Variants in GALNT2 observed in about 807,000 individuals in gnomAD.
GALNT2 encodes UDP-GalNAc:polypeptide N-acetylgalactosaminyltransferase 2.
A neutral mutation model predicts 81.4 loss-of-function variants in GALNT2; 31 were observed. The ratio of observed to expected loss-of-function variants is 0.38; its 90% CI spans 0.29 to 0.51. The LOEUF is 0.51. Among genes scored for constraint, GALNT2 ranks in the 20% least tolerant of loss-of-function variants. The pLI, the probability that GALNT2 is intolerant of heterozygous loss-of-function variation, is 0.87. For missense variants in GALNT2, 629 were observed against 765.7 expected (o/e 0.82, Z 2.11); for synonymous variants, 303 against 287.4 (o/e 1.05, Z -0.55).
chr1:230,098,673 A>T (rs11804361), intron 1 of GALNT2, among the ~76,000 whole-genome samples: 4 of 152,138 alleles, frequency 2.6e-5, no homozygotes, highest in Admixed American at 6.5e-5. Context: ...AATTGAAGTA[A>T]GATAACATCA....
rs1665743431 is a variant in GALNT2, at chr1:230,257,305, C to G, written c.1136+1961C>G. ...CAATGGTACGAGTGCCCCCTCCACT[C>G]TTGGAGCCAGAAGCAAGGGTCCTGT... On this transcript the variant is annotated intron_variant, in intron 11 of 15. Transcript: ENST00000366672. This position sits in a 1 kb window ranked among gnomAD's most constrained non-coding sequence, Gnocchi z 4.6. Among the ~76,000 whole-genome samples, 2 of 152,230 alleles carry G rather than the reference C, an allele frequency of 1.3e-5. No homozygotes were observed. Among genetic ancestry groups the G allele is most frequent in the Non-Finnish European group, 2.9e-5 (2 of 68,042 alleles).
intron 1 of GALNT2, among the ~76,000 whole-genome samples, chr1:230,126,628 A>G (rs1158518646): frequency 6.6e-6 from 1 of 152,166 alleles, no homozygotes; most frequent in Non-Finnish European, 1.5e-5. Flanking sequence ...TCACTCACGT[A>G]CCTCAGTCTC....
intron 2 of GALNT2, among the ~76,000 whole-genome samples, chr1:230,187,397 C>T (rs1663369272): frequency 6.6e-6 from 1 of 152,246 alleles, no homozygotes; most frequent in African/African-American, 2.4e-5. Context: ...CTCTCAGCCC[C>T]TCATGGGAGG....
chr1:230,184,530 T>G (rs1663261486), intron 2 of GALNT2, among the ~76,000 whole-genome samples: 1 of 151,260 alleles, frequency 6.6e-6, no homozygotes, highest in Admixed American at 6.6e-5. Context: ...AGGTGGTCAT[T>G]TTTTTTTTCT....
At chr1:230,110,136 G>A (rs1434486373) in intron 1 of GALNT2, among the ~76,000 whole-genome samples, 2 of 152,206 alleles carry the variant, frequency 1.3e-5, no homozygotes, top group Non-Finnish European at 2.9e-5. Context: ...TGGGGTGAAA[G>A]TGTCCTTCCT....
intron 1 of GALNT2, among the ~76,000 whole-genome samples, chr1:230,089,358 G>A (rs1041329699): frequency 6.6e-6 from 1 of 151,418 alleles, no homozygotes; most frequent in Non-Finnish European, 1.5e-5. Flanking sequence ...ATGGGGTTTC[G>A]CCATGTTGGC....
intron 1 of GALNT2, among the ~76,000 whole-genome samples, chr1:230,105,170 TAGAG>T (rs1049007314): frequency 3.2e-4 from 48 of 152,300 alleles, no homozygotes; most frequent in African/African-American, 1.1e-3. Context: ...CAGGATGTGT[TAGAG>T]AGGTGCTCAG....
intron 1 of GALNT2, among the ~76,000 whole-genome samples, chr1:230,100,624 C>T (rs1051885264): frequency 5.3e-5 from 8 of 152,170 alleles, no homozygotes; most frequent in Admixed American, 2.0e-4. Context: ...CAGCACCCGG[C>T]GTTTTTATTC....
Position 230,195,105 on chromosome 1 carries a change from A to G in GALNT2, c.221-8032A>G, listed in dbSNP as rs74974713. On this transcript the variant is annotated intron_variant, in intron 2 of 15. Coordinates refer to ENST00000366672, the MANE Select transcript of GALNT2 (RefSeq NM_004481.5). ...GTGGAGAGAGACAGGACTCATTTTAAACGGCTTTCAGTGAATGTGTCTCCA... is the reference window on the plus strand; with the variant it reads ...GTGGAGAGAGACAGGACTCATTTTAGACGGCTTTCAGTGAATGTGTCTCCA... Among the ~76,000 whole-genome samples the G allele has an allele frequency of 5.6e-3, 849 of 152,344 alleles. 7 individuals carry two copies. Among genetic ancestry groups the G allele is most frequent in the African/African-American group, 0.02 (811 of 41,580 alleles).
At chr1:230,071,077 C>T (rs1263797561) in intron 1 of GALNT2, among the ~76,000 whole-genome samples, 1 of 152,134 alleles carries the variant, frequency 6.6e-6, no homozygotes, top group Non-Finnish European at 1.5e-5. Context: ...TGAATAACTG[C>T]TATCTCTAAA....
rs535624102 is a variant in GALNT2 at position 230,279,516 on chromosome 1, T to G, written c.*58T>G. 2 of 1,566,944 alleles carry G rather than the reference T, an allele frequency of 1.3e-6. No homozygotes were observed. The highest frequency in any genetic ancestry group is 2.7e-5 in the African/African-American group (2 of 73,726). ...TGCACCATTGGGTGGAGTCTGGTGA[T>G]CACATTATTGATTATGTTTCTTAAA... On this transcript the variant is annotated 3_prime_UTR_variant, in exon 16 of 16. Coordinates refer to ENST00000366672, the MANE Select transcript of GALNT2 (RefSeq NM_004481.5). The surrounding 1 kb of genome is among the most constrained non-coding windows in gnomAD (Gnocchi z 4.6).
chr1:230,162,614 GC>G (rs1662469365), intron 1 of GALNT2, among the ~76,000 whole-genome samples: 2 of 152,168 alleles, frequency 1.3e-5, no homozygotes, highest in Admixed American at 6.5e-5. Context: ...CCCAAAGCCA[GC>G]CATCAACCCT....
rs1666273809 is a variant in GALNT2 at position 230,275,515 on chromosome 1, C to T, written c.1560+951C>T. ...TACACACACACACCACAGATACATA[C>T]ATATATATACATGCCACATAGATAT... On this transcript the variant is annotated intron_variant, in intron 15 of 15. Coordinates refer to ENST00000366672, the MANE Select transcript of GALNT2 (RefSeq NM_004481.5). This position sits in a 1 kb window ranked among gnomAD's most constrained non-coding sequence, Gnocchi z 5.5. 6.6e-6 allele frequency among the ~76,000 whole-genome samples: 1 copy of T among 150,470 alleles called. No individual in the cohort carries two copies. The highest frequency in any genetic ancestry group is 2.4e-5 in the African/African-American group (1 of 40,870).
intron 1 of GALNT2, among the ~76,000 whole-genome samples, chr1:230,089,822 G>A (rs1660010027): frequency 1.3e-5 from 2 of 152,198 alleles, no homozygotes; most frequent in Non-Finnish European, 2.9e-5. Context: ...GCTAACACGT[G>A]CAACACATTT....
chr1:230,251,769 C>A (rs920479784), intron 10 of GALNT2, among the ~76,000 whole-genome samples: 1 of 152,150 alleles, frequency 6.6e-6, no homozygotes, highest in Non-Finnish European at 1.5e-5. Context: ...GTGGCCATTT[C>A]TCAAAAACAG....
Position 230,257,720 on chromosome 1 carries a change from G to T in GALNT2, c.1136+2376G>T, listed in dbSNP as rs1175279627. On this transcript the variant is annotated intron_variant, in intron 11 of 15. Transcript: ENST00000366672. The surrounding 1 kb of genome is among the most constrained non-coding windows in gnomAD (Gnocchi z 4.6). ...GGAGCAGGTGTGTAGCAGTGGAGAT[G>T]GGGTGAGATCCAGCTCCATGGTGAA... 2.0e-5 allele frequency among the ~76,000 whole-genome samples: 3 copies of T among 152,230 alleles called. No individual in the cohort carries two copies. The highest frequency in any genetic ancestry group is 7.2e-5 in the African/African-American group (3 of 41,454).
In GALNT2 at chr1:230,275,043, A is replaced by T. The variant is rs762265742; in HGVS notation, c.1560+479A>T. Among the ~76,000 whole-genome samples the T allele has an allele frequency of 4.0e-5, 6 of 151,496 alleles. No homozygotes were observed. The highest frequency in any genetic ancestry group is 7.4e-5 in the Non-Finnish European group (5 of 67,812). ...ATATATACACGCCACATATATACAC[A>T]TATATACATGCCACATATATACGTA... On this transcript the variant is annotated intron_variant, in intron 15 of 15. Transcript: ENST00000366672. This position sits in a 1 kb window ranked among gnomAD's most constrained non-coding sequence, Gnocchi z 5.5.
At chr1:230,250,427 C>T (rs747750042) in intron 9 of GALNT2, 30 bp from the exon 10 acceptor site, 3 of 1,571,098 alleles carry the variant, frequency 1.9e-6, no homozygotes, top group Admixed American at 3.4e-5. Flanking sequence ...GCCCTCTCCT[C>T]CCTCCCCCCT....
chr1:230,247,638 A>G (rs375525500), intron 8 of GALNT2, among the ~76,000 whole-genome samples: 1 of 152,226 alleles, frequency 6.6e-6, no homozygotes, highest in East Asian at 1.9e-4. Flanking sequence ...GCTGAGATCT[A>G]CCAGGCTCTA....
Sources: allele counts gnomAD v4.1 joint callset (sites outside exome capture counted in the v4.1 genomes callset), GRCh38; gene constraint gnomAD v4.1.1; non-coding constraint Gnocchi (gnomAD v3.1); transcripts MANE v1.5; gene names NCBI Gene and HGNC (gene_info 2026-07-23, HGNC 2026-07-21).